The following SLC8A3 variants were observed in gnomAD, a reference collection of about 807,000 sequenced individuals.
SLC8A3 encodes sodium/calcium exchanger 3.
In SLC8A3, 37 loss-of-function variants were observed where a neutral mutation model predicts 65.4. The ratio of observed to expected loss-of-function variants is 0.57; its 90% CI spans 0.44 to 0.74. SLC8A3 has a LOEUF of 0.74. SLC8A3 is among the 30% of genes least tolerant of loss of function. The pLI is 0.00. For synonymous variants in SLC8A3, 461 were observed against 444.5 expected, an observed-to-expected ratio of 1.04 and a Z score of -0.47; for missense variants, 1,112 against 1,172.1, an observed-to-expected ratio of 0.95 and a Z score of 0.75.
At chr14:70,098,884 A>C (rs1269920474) in intron 2 of SLC8A3, among the ~76,000 whole-genome samples, 1 of 152,260 alleles carries the variant, frequency 6.6e-6, no homozygotes, top group Non-Finnish European at 1.5e-5. Flanking sequence ...GAGAAAAGCC[A>C]GACAGATGTG....
chr14:70,045,856 G>T lies in SLC8A3; in HGVS notation c.*91C>A. ...TAGGTCCTGATGCTGCCTCTCCAGG[G>T]CAGTGCAGTCGGGAGAGATCACTGG... On this transcript the variant is annotated 3_prime_UTR_variant, in exon 7 of 7. Coordinates refer to ENST00000356921, the MANE Select transcript of SLC8A3 (RefSeq NM_182932.3). 2 of 1,283,528 alleles carry T rather than the reference G, an allele frequency of 1.6e-6. No homozygotes were observed. Among genetic ancestry groups the T allele is most frequent in the Non-Finnish European group, 1.1e-6 (1 of 947,920 alleles). 79.5% of individuals were successfully genotyped at this position (1,283,528 alleles called of 1,614,324 possible). A position where few individuals can be genotyped will look rare whatever the true frequency, so the allele number is the denominator to read the frequency against.
At chr14:70,101,320 T>A (rs779771676) in intron 2 of SLC8A3, among the ~76,000 whole-genome samples, 1 of 152,204 alleles carries the variant, frequency 6.6e-6, no homozygotes, top group Non-Finnish European at 1.5e-5. Context: ...TAGGAAATGA[T>A]GTTTCAGTTA....
At chr14:70,145,719 A>G (rs981898483) in intron 2 of SLC8A3, among the ~76,000 whole-genome samples, 1 of 152,288 alleles carries the variant, frequency 6.6e-6, no homozygotes, top group South Asian at 2.1e-4. Context: ...AGAAACGTAT[A>G]AACTCATCTG....
chr14:70,090,972 A>G (rs1891763754), intron 2 of SLC8A3, among the ~76,000 whole-genome samples: 1 of 152,218 alleles, frequency 6.6e-6, no homozygotes, highest in African/African-American at 2.4e-5. Context: ...CTAGCCATCA[A>G]TCCTCTAAAG....
At chr14:70,134,602 T>C (rs1468774823) in intron 2 of SLC8A3, among the ~76,000 whole-genome samples, 1 of 152,230 alleles carries the variant, frequency 6.6e-6, no homozygotes, top group Non-Finnish European at 1.5e-5. Context: ...CTCCATCCAC[T>C]TCTCTTCTCT....
chr14:70,093,961 A>T (rs564321724), intron 2 of SLC8A3, among the ~76,000 whole-genome samples: 1 of 152,328 alleles, frequency 6.6e-6, no homozygotes, highest in East Asian at 1.9e-4. Flanking sequence ...TGCAGTGTCC[A>T]GGATGTTTCC....
At chr14:70,069,765 TA>T (rs1442807005) in intron 2 of SLC8A3, among the ~76,000 whole-genome samples, 1 of 152,208 alleles carries the variant, frequency 6.6e-6, no homozygotes, top group Non-Finnish European at 1.5e-5. Flanking sequence ...TTAGGGTCTC[TA>T]ATTGGCGTTC....
chr14:70,176,436 G>A (rs1005863840), intron 1 of SLC8A3, among the ~76,000 whole-genome samples: 7 of 152,162 alleles, frequency 4.6e-5, no homozygotes, highest in African/African-American at 9.7e-5. Context: ...TCTGGGAGAG[G>A]AGCCTAAATA....
At chr14:70,126,417 G>T (rs1419332436) in intron 2 of SLC8A3, among the ~76,000 whole-genome samples, 2 of 152,070 alleles carry the variant, frequency 1.3e-5, no homozygotes, top group Admixed American at 6.5e-5. Flanking sequence ...AGAGAACTGG[G>T]AGGCTTCTGA....
intron 2 of SLC8A3, among the ~76,000 whole-genome samples, chr14:70,120,060 G>T (rs997229284): frequency 2.0e-5 from 3 of 152,134 alleles, no homozygotes; most frequent in South Asian, 2.1e-4. Context: ...CCCCTCTATT[G>T]GTTGGATTAT....
chr14:70,146,562 G>A (rs1199442458), intron 2 of SLC8A3, among the ~76,000 whole-genome samples: 1 of 151,880 alleles, frequency 6.6e-6, no homozygotes, highest in Non-Finnish European at 1.5e-5. Context: ...AATGACTTGA[G>A]GAAAAAAATA....
At chr14:70,096,129 G>T (rs954556878) in intron 2 of SLC8A3, among the ~76,000 whole-genome samples, 1 of 152,110 alleles carries the variant, frequency 6.6e-6, no homozygotes, top group East Asian at 1.9e-4. Context: ...TGATCCACCT[G>T]CTTTGGGCTC....
intron 3 of SLC8A3, among the ~76,000 whole-genome samples, chr14:70,054,586 T>C (rs533709922): frequency 1.3e-5 from 2 of 151,848 alleles, no homozygotes; most frequent in African/African-American, 2.4e-5. Flanking sequence ...ATGAGTGAAG[T>C]AGAGAAGAAA....
chr14:70,182,343 A>T (rs1432169671), intron 1 of SLC8A3, among the ~76,000 whole-genome samples: 1 of 152,146 alleles, frequency 6.6e-6, no homozygotes, highest in Non-Finnish European at 1.5e-5. Context: ...AGACTCTGGG[A>T]ACTATCCACA....
intron 2 of SLC8A3, among the ~76,000 whole-genome samples, chr14:70,152,078 A>G (rs533595441): frequency 6.2e-4 from 94 of 152,310 alleles, no homozygotes; most frequent in South Asian, 1.0e-3. Context: ...CAGATCTCAC[A>G]TAAAAGAAAT....
chr14:70,149,708 T>C (rs770021251), intron 2 of SLC8A3, among the ~76,000 whole-genome samples: 1 of 152,180 alleles, frequency 6.6e-6, no homozygotes, highest in Non-Finnish European at 1.5e-5. Flanking sequence ...TGATTTCACA[T>C]GTAATTATCC....
At chr14:70,116,085 A>AC (rs34061459) in intron 2 of SLC8A3, among the ~76,000 whole-genome samples, 82 of 151,798 alleles carry the variant, frequency 5.4e-4, no homozygotes, top group African/African-American at 2.0e-3. Flanking sequence ...GAGAATTGGC[A>AC]CCCCCCTCCC....
intron 2 of SLC8A3, among the ~76,000 whole-genome samples, chr14:70,119,307 C>T (rs568876642): frequency 6.1e-4 from 93 of 152,222 alleles, no homozygotes; most frequent in African/African-American, 2.1e-3. Flanking sequence ...ATGTTGATTT[C>T]TTTGTTGGGT....
At position 70,046,956 on chromosome 14, in the gene SLC8A3, T is replaced by C. The variant is rs1353374164; in HGVS notation, c.2390-633A>G. The C allele has an allele frequency of 6.6e-6, 1 of 152,256 alleles. No homozygotes were observed. The highest frequency in any genetic ancestry group is 6.5e-5 in the Admixed American group (1 of 15,284). The allele number at this position is 152,256 out of a possible 1,614,324, so 9.4% of individuals were successfully genotyped here. A position where few individuals can be genotyped will look rare whatever the true frequency, so the allele number is the denominator to read the frequency against. ...CACAGATTGTAGATACAGGGAGGAC[T>C]GTCAGAGACATCTAGCCCAATTCTT... is the stretch of plus-strand genomic sequence containing the variant. On this transcript the variant is annotated intron_variant, in intron 6 of 6. Coordinates refer to ENST00000356921, the MANE Select transcript of SLC8A3 (RefSeq NM_182932.3). This position sits in a 1 kb window ranked among gnomAD's most constrained non-coding sequence, Gnocchi z 4.2.
Sources: gnomAD v4.1 joint callset for allele counts (sites outside exome capture counted in the v4.1 genomes callset) on GRCh38, gnomAD v4.1.1 for gene constraint, Gnocchi (gnomAD v3.1) non-coding constraint, MANE v1.5 for transcripts, NCBI Gene and HGNC (gene_info 2026-07-23, HGNC 2026-07-21) for gene names.